Variants in KCNQ3 observed in about 807,000 individuals in gnomAD.
KCNQ3 encodes the protein potassium voltage-gated channel subfamily KQT member 3.
Under a neutral mutation model 92.5 loss-of-function variants are expected in KCNQ3, and 30 were observed. That is an observed-to-expected ratio of 0.32 (90% CI 0.24 to 0.44). The LOEUF is 0.44. Ranked by LOEUF, KCNQ3 falls within the 20% of genes least tolerant of loss-of-function variation. The pLI, the probability that KCNQ3 is intolerant of heterozygous loss-of-function variation, is 1.00. For missense variants in KCNQ3, 913 were observed against 1,140.3 expected (o/e 0.80, Z 2.87); for synonymous variants, 450 against 468.8 (o/e 0.96, Z 0.52).
chr8:132,346,542 A>C lies in KCNQ3; in HGVS notation c.386+133605T>G, dbSNP rs184407277. Among the ~76,000 whole-genome samples the C allele has an allele frequency of 3.7e-3, 564 of 152,302 alleles. 7 individuals carry two copies. Among genetic ancestry groups the C allele is most frequent in the Non-Finnish European group, 5.5e-3 (376 of 68,012 alleles). ...CTCTCCACCACTCTCCATCACAGCT[A>C]AAAGCTTGCCTTGCCATTTCTTTGC... On this transcript the variant is annotated intron_variant, in intron 1 of 14. Coordinates refer to ENST00000388996, the MANE Select transcript of KCNQ3 (RefSeq NM_004519.4).
chr8:132,228,644 T>TC (rs1252205367), intron 1 of KCNQ3, among the ~76,000 whole-genome samples: 2 of 151,798 alleles, frequency 1.3e-5, no homozygotes, highest in African/African-American at 4.8e-5. Context: ...ATGTTTTCAG[T>TC]CCCCCGTAGT....
At chr8:132,202,082 G>A (rs919291865) in intron 1 of KCNQ3, among the ~76,000 whole-genome samples, 1 of 152,206 alleles carries the variant, frequency 6.6e-6, no homozygotes, top group Non-Finnish European at 1.5e-5. Flanking sequence ...GCCACAACTT[G>A]TTGACCCAAT....
At chr8:132,316,156 C>T (rs887673468) in intron 1 of KCNQ3, among the ~76,000 whole-genome samples, 4 of 151,984 alleles carry the variant, frequency 2.6e-5, no homozygotes, top group Admixed American at 2.6e-4. Context: ...GATAAGCCAT[C>T]GTGATTAAAT....
At chr8:132,322,575 T>C (rs891371841) in intron 1 of KCNQ3, among the ~76,000 whole-genome samples, 2 of 152,170 alleles carry the variant, frequency 1.3e-5, no homozygotes, top group African/African-American at 4.8e-5. Context: ...CTACCTTTTA[T>C]TTAAATCTCA....
chr8:132,391,415 C>G (rs574103771), intron 1 of KCNQ3, among the ~76,000 whole-genome samples: 4 of 152,154 alleles, frequency 2.6e-5, no homozygotes, highest in African/African-American at 9.6e-5. Flanking sequence ...GAGGCGACGC[C>G]GAGAAGAGAT....
At chr8:132,273,854 C>T (rs533629804) in intron 1 of KCNQ3, among the ~76,000 whole-genome samples, 108 of 152,190 alleles carry the variant, frequency 7.1e-4, no homozygotes, top group Non-Finnish European at 1.2e-3. Flanking sequence ...ACAAAAATCA[C>T]CTTTGCTCCA....
intron 9 of KCNQ3, among the ~76,000 whole-genome samples, 197 bp downstream of exon 9, chr8:132,163,271 C>T (rs1586787755): frequency 1.3e-5 from 2 of 152,250 alleles, no homozygotes; most frequent in Non-Finnish European, 2.9e-5. Flanking sequence ...AGGCTGCTGC[C>T]ATGATTCCTA....
intron 1 of KCNQ3, among the ~76,000 whole-genome samples, chr8:132,405,620 G>A (rs747235510): frequency 1.1e-3 from 161 of 152,286 alleles, no homozygotes; most frequent in Non-Finnish European, 1.0e-3. Flanking sequence ...GTGAATGATG[G>A]GGGGACCCTG....
chr8:132,333,935 G>A (rs1431365434), intron 1 of KCNQ3, among the ~76,000 whole-genome samples: 2 of 151,840 alleles, frequency 1.3e-5, no homozygotes, highest in African/African-American at 4.8e-5. Context: ...GTTTCACCAT[G>A]TTGGCCAGGC....
intron 13 of KCNQ3, among the ~76,000 whole-genome samples, chr8:132,133,079 C>A (rs1406445811): frequency 1.3e-5 from 2 of 152,136 alleles, no homozygotes; most frequent in African/African-American, 4.8e-5. Flanking sequence ...CTTTGGCCTG[C>A]ACGGGGTTTT....
chr8:132,334,406 T>C (rs1033990567), intron 1 of KCNQ3, among the ~76,000 whole-genome samples: 1 of 151,964 alleles, frequency 6.6e-6, no homozygotes, highest in Non-Finnish European at 1.5e-5. Context: ...CAAGGAAGAC[T>C]CTGTCTCAAA....
In KCNQ3 at chr8:132,480,684, G is replaced by T; in HGVS notation, c.-152C>A. ...CGCCCCTCCCCACCCCCCCCCAAAA[G>T]CAGGCAAAGGCGGGCCCCCTGGGGG... is the stretch of plus-strand genomic sequence containing the variant. On this transcript the variant is annotated 5_prime_UTR_variant, in exon 1 of 15. Coordinates refer to ENST00000388996, the MANE Select transcript of KCNQ3 (RefSeq NM_004519.4). The T allele has an allele frequency of 1.4e-6, 1 of 716,752 alleles. No homozygotes were observed. Among genetic ancestry groups the T allele is most frequent in the Non-Finnish European group, 1.7e-6 (1 of 600,884 alleles). 44.4% of individuals were successfully genotyped at this position (716,752 alleles called of 1,614,324 possible).
intron 1 of KCNQ3, among the ~76,000 whole-genome samples, chr8:132,218,038 G>A (rs965469547): frequency 6.6e-6 from 1 of 152,124 alleles, no homozygotes; most frequent in African/African-American, 2.4e-5. Context: ...TTTTAATAGA[G>A]GATGGAAAAA....
At chr8:132,367,750 T>C (rs1819364871) in intron 1 of KCNQ3, among the ~76,000 whole-genome samples, 2 of 152,222 alleles carry the variant, frequency 1.3e-5, no homozygotes. Flanking sequence ...TACTTTCTGC[T>C]AATATCTTTC....
chr8:132,228,229 C>T (rs188611374), intron 1 of KCNQ3, among the ~76,000 whole-genome samples: 24 of 152,112 alleles, frequency 1.6e-4, no homozygotes, highest in African/African-American at 5.5e-4. Context: ...AAATAGTGGG[C>T]CCTTTTTTTC....
Position 132,260,501 on chromosome 8 carries a change from T to C in KCNQ3, c.387-74320A>G, listed in dbSNP as rs111830701. Among the ~76,000 whole-genome samples, 547 of 152,180 alleles carry C rather than the reference T, an allele frequency of 3.6e-3. 2 individuals carry two copies. The highest frequency in any genetic ancestry group is 0.013 in the African/African-American group (524 of 41,510). On this transcript the variant is annotated intron_variant, in intron 1 of 14. Coordinates refer to ENST00000388996, the MANE Select transcript of KCNQ3 (RefSeq NM_004519.4). Reference sequence around the variant, plus strand: ...AATAATAAATACATAGTATGCCATATTGGGATAAGTTCTGTAGAGAACAAT... The same window carrying C: ...AATAATAAATACATAGTATGCCATACTGGGATAAGTTCTGTAGAGAACAAT...
chr8:132,458,886 T>C (rs1172636902), intron 1 of KCNQ3, among the ~76,000 whole-genome samples: 1 of 152,254 alleles, frequency 6.6e-6, no homozygotes, highest in Non-Finnish European at 1.5e-5. Context: ...AAATCAATCC[T>C]AATGCATTTT....
intron 1 of KCNQ3, among the ~76,000 whole-genome samples, chr8:132,267,097 C>T (rs527492232): frequency 1.4e-3 from 215 of 152,236 alleles, no homozygotes; most frequent in Middle Eastern, 0.01. Flanking sequence ...ACCTCATCAC[C>T]TCAAATCCTT....
intron 1 of KCNQ3, among the ~76,000 whole-genome samples, chr8:132,305,873 T>TTTG (rs1817405017): frequency 8.3e-6 from 1 of 120,862 alleles, no homozygotes; most frequent in African/African-American, 3.4e-5. Context: ...TTTTGGGGGG[T>TTTG]TTTTTGTTTG....
Sources: allele counts gnomAD v4.1 joint callset (sites outside exome capture counted in the v4.1 genomes callset), GRCh38; gene constraint gnomAD v4.1.1; transcripts MANE v1.5; gene names NCBI Gene and HGNC (gene_info 2026-07-23, HGNC 2026-07-21).